NPIPB15: variants seen among roughly 807,000 people sequenced by gnomAD.
NPIPB15 encodes the protein nuclear pore complex-interacting protein family member B15.
Under a neutral mutation model 35.9 loss-of-function variants are expected in NPIPB15, and 5 were observed. The observed-to-expected ratio is 0.14, with a 90% confidence interval of 0.07 to 0.29. NPIPB15 has a LOEUF of 0.29. Ranked by LOEUF, NPIPB15 falls within the 10% of genes least tolerant of loss-of-function variation. The probability of loss-of-function intolerance (pLI) is 1.00; values close to 1 mark genes in which losing one functional copy is unlikely to be tolerated. For synonymous variants in NPIPB15, 43 were observed against 182.0 expected (o/e 0.24, Z 6.15); for missense variants, 100 against 506.1 (o/e 0.20, Z 7.70).
In NPIPB15 at chr16:74,388,404, C is replaced by T. The variant is rs2012387302; in HGVS notation, c.546-1421C>T. The stretch of plus-strand genomic sequence containing the variant: ...TCAAACACAAGACTGACCCCAGACA[C>T]ACACATAGTGCACCTCATAGAAGCT... On this transcript the variant is annotated intron_variant, in intron 5 of 7. Transcript: ENST00000692376. The T allele has an allele frequency of 2.2e-5, 21 of 950,454 alleles. 1 individual carries two copies. Among genetic ancestry groups the T allele is most frequent in the South Asian group, 4.9e-5 (1 of 20,560 alleles). The allele number at this position is 950,454 out of a possible 1,614,324, so 58.9% of individuals were successfully genotyped here.
At chr16:74,389,396 G>T (rs1271244375) in intron 5 of NPIPB15, among the ~76,000 whole-genome samples, 1 of 148,982 alleles carries the variant, frequency 6.7e-6, no homozygotes, top group Non-Finnish European at 1.5e-5. Context: ...TTTCTGAGAT[G>T]GAGTCTCACT....
intron 3 of NPIPB15, among the ~76,000 whole-genome samples, chr16:74,383,067 T>G (rs1218429784): frequency 1.4e-5 from 2 of 142,670 alleles, no homozygotes; most frequent in Admixed American, 1.5e-4. Flanking sequence ...GGATTACAGG[T>G]GCCCACCACC....
chr16:74,387,998 G>A (rs564675874), intron 5 of NPIPB15, among the ~76,000 whole-genome samples: 20 of 151,914 alleles, frequency 1.3e-4, no homozygotes, highest in African/African-American at 4.8e-4. Context: ...CAACACCAGG[G>A]TGGATGGTTT....
At chr16:74,386,307 A>C (rs62055203) in intron 5 of NPIPB15, among the ~76,000 whole-genome samples, 8,654 of 117,626 alleles carry the variant, frequency 0.074, 20 homozygotes, top group East Asian at 0.22. Context: ...TTTTTTTTAA[A>C]TTTTGAGATA....
At chr16:74,377,411 G>A (rs1360398317) in intron 1 of NPIPB15, among the ~76,000 whole-genome samples, 65 bp downstream of exon 1, 1 of 151,850 alleles carries the variant, frequency 6.6e-6, no homozygotes, top group Non-Finnish European at 1.5e-5. Context: ...ATGGGGGAGG[G>A]GTCATTGGAA....
At chr16:74,378,495 C>G (rs1204789503) in intron 2 of NPIPB15, among the ~76,000 whole-genome samples, 2 of 134,360 alleles carry the variant, frequency 1.5e-5, no homozygotes, top group African/African-American at 5.7e-5. Flanking sequence ...GGCAAGATCT[C>G]GGCTCACTGC....
Position 74,379,084 on chromosome 16 carries a change from A to G in NPIPB15, c.66+1045A>G, listed in dbSNP as rs1334393895. Among the ~76,000 whole-genome samples, 18 of 105,970 alleles carry G rather than the reference A, an allele frequency of 1.7e-4. No individual in the cohort carries two copies. In the East Asian group the frequency reaches 4.5e-3, roughly 27 times the overall value. 69.5% of individuals were successfully genotyped at this position (105,970 alleles called of 152,430 possible). On this transcript the variant is annotated intron_variant, in intron 2 of 7. Transcript: ENST00000692376. ...CAAAGTGTTGGGATTACAGGCGTGA[A>G]CCACCGTGCCCAGCCAAGATCTACA...
rs1411937839 is a variant in NPIPB15 at position 74,376,538 on chromosome 16, TTG to T, written c.-830_-829del. ...GAGAGAAGCTGATGAACTTTGTTTC[TTG>T]AAATGCACAGATTCCTTGGACGTCC... On this transcript the variant is annotated 5_prime_UTR_variant, in exon 1 of 8. The change creates a premature stop within an existing upstream ORF in the 5' untranslated region. Transcript: ENST00000692376. Among the ~76,000 whole-genome samples the T allele has an allele frequency of 3.3e-5, 5 of 150,864 alleles. No individual in the cohort carries two copies. The highest frequency in any genetic ancestry group is 7.4e-5 in the Non-Finnish European group (5 of 67,856).
chr16:74,379,358 T>C (rs559166938), intron 2 of NPIPB15, among the ~76,000 whole-genome samples: 31 of 152,318 alleles, frequency 2.0e-4, no homozygotes, highest in African/African-American at 7.2e-4. Flanking sequence ...TGAAGGGCTA[T>C]CTCTGTTTAA....
intron 3 of NPIPB15, among the ~76,000 whole-genome samples, chr16:74,385,007 G>GTC (rs1310167524): frequency 2.4e-5 from 1 of 41,374 alleles, no homozygotes; most frequent in African/African-American, 6.2e-5. Context: ...GTGTGTGTGT[G>GTC]TGTGTGTGTG....
rs7189061 is a variant in NPIPB15, at chr16:74,391,416, G to T, written c.668G>T (p.Arg223Leu). Residue 223 changes from arginine (R) to leucine (L), a missense_variant, in exon 8 of 8, where the codon CGT becomes CTT. Arg to Leu is a moderately radical substitution (Grantham distance 102). Transcript: ENST00000692376. ...NWVRMAAAEHRHSSGLPCWPY... is the reference protein window; with the variant it reads ...NWVRMAAAEHLHSSGLPCWPY... ...GTCAGAATGGCGGCAGCGGAGCATC[G>T]TCATTCTTCAGGATTGCCCTGCTGG... 1 of 1,467,362 alleles carries T rather than the reference G, an allele frequency of 6.8e-7. No homozygotes were observed. Among genetic ancestry groups the T allele is most frequent in the South Asian group, 1.2e-5 (1 of 84,976 alleles). 90.9% of individuals were successfully genotyped at this position (1,467,362 alleles called of 1,614,324 possible).
intron 3 of NPIPB15, among the ~76,000 whole-genome samples, chr16:74,382,640 T>C (rs1455225940): frequency 1.3e-5 from 2 of 152,412 alleles, no homozygotes; most frequent in East Asian, 3.8e-4. Context: ...TTCATGACAG[T>C]AAAAATGTGG....
At chr16:74,389,727 G>T (rs2012450252) in intron 5 of NPIPB15, 98 bp from the exon 6 acceptor site, 3 of 617,790 alleles carry the variant, frequency 4.9e-6, no homozygotes, top group South Asian at 3.9e-5. Context: ...GATAGATTGT[G>T]TAAGGGTACA....
rs542328441 is a variant in NPIPB15 at position 74,381,206 on chromosome 16, T to C, written c.67-310T>C. On this transcript the variant is annotated intron_variant, in intron 2 of 7. Coordinates refer to ENST00000692376, the MANE Select transcript of NPIPB15 (RefSeq NM_001306094.2). ...ATCAGCTATTGTTAGTGTTAGTGTA[T>C]GTTATGTGTGGCTCAAGACAACTTT... 1.7e-4 allele frequency: 87 copies of C among 521,928 alleles called. No homozygotes were observed. In the South Asian group the frequency reaches 2.1e-3, roughly 13 times the overall value. The allele number at this position is 521,928 out of a possible 1,614,324, so 32.3% of individuals were successfully genotyped here. A position where few individuals can be genotyped will look rare whatever the true frequency, so the allele number is the denominator to read the frequency against.
At chr16:74,378,541 C>T (rs1158139886) in intron 2 of NPIPB15, among the ~76,000 whole-genome samples, 1 of 147,908 alleles carries the variant, frequency 6.8e-6, no homozygotes. Context: ...ATTGTCCTGC[C>T]TCAGCCTCCT....
At chr16:74,377,748 C>G (rs982500495) in intron 1 of NPIPB15, 2 of 331,810 alleles carry the variant, frequency 6.0e-6, no homozygotes, top group African/African-American at 4.6e-5. Context: ...AGGTGCCCAA[C>G]AGCCCCCTTC....
At chr16:74,388,931 C>T (rs2142692591) in intron 5 of NPIPB15, 1 of 904,958 alleles carries the variant, frequency 1.1e-6, no homozygotes, top group South Asian at 5.1e-5. Context: ...GGTCAGAAGA[C>T]CTATCGTGAG....
intron 3 of NPIPB15, among the ~76,000 whole-genome samples, chr16:74,383,243 A>G (rs1427906886): frequency 6.9e-6 from 1 of 145,582 alleles, no homozygotes; most frequent in African/African-American, 2.6e-5. Context: ...TAAATTTACC[A>G]CTTTTTAACA....
chr16:74,376,606 C>G lies in NPIPB15; in HGVS notation c.-763C>G, dbSNP rs2011676175. 1.3e-5 allele frequency among the ~76,000 whole-genome samples: 2 copies of G among 151,954 alleles called. No individual in the cohort carries two copies. The highest frequency in any genetic ancestry group is 4.8e-5 in the African/African-American group (2 of 41,388). ...TGAAGGTCAACTTGGTTTTCTCCCC[C>G]TCATTTGGGTTCAGAATTTAAAGTC... On this transcript the variant is annotated 5_prime_UTR_variant, in exon 1 of 8. Transcript: ENST00000692376.
Sources: allele counts gnomAD v4.1 joint callset (sites outside exome capture counted in the v4.1 genomes callset), GRCh38; gene constraint gnomAD v4.1.1; transcripts MANE v1.5; gene names NCBI Gene and HGNC (gene_info 2026-07-23, HGNC 2026-07-21).